The following SAMD12 variants were observed in gnomAD, a reference collection of about 807,000 sequenced individuals.
SAMD12 encodes sterile alpha motif domain containing 12.
Under a neutral mutation model 15.0 loss-of-function variants are expected in SAMD12, and 9 were observed. The ratio of observed to expected loss-of-function variants is 0.60; its 90% confidence interval spans 0.36 to 1.05. The LOEUF (loss-of-function observed/expected upper bound fraction) is 1.05, where lower values mean the gene tolerates loss of function less well. Ranked by LOEUF, SAMD12 falls within the 50% of genes least tolerant of loss-of-function variation. The pLI, the probability that SAMD12 is intolerant of heterozygous loss-of-function variation, is 0.01. For synonymous variants in SAMD12, 86 were observed against 90.1 expected, an observed-to-expected ratio of 0.96 and a Z score of 0.25; for missense variants, 230 against 234.2, an observed-to-expected ratio of 0.98 and a Z score of 0.12.
chr8:118,261,072 G>A (rs376176218), intron 4 of SAMD12, among the ~76,000 whole-genome samples: 1 of 152,080 alleles, frequency 6.6e-6, no homozygotes, highest in Non-Finnish European at 1.5e-5. Flanking sequence ...GCGTAAATGA[G>A]TGAATACAGA....
intron 4 of SAMD12, among the ~76,000 whole-genome samples, chr8:118,272,607 G>T (rs1286401303): frequency 6.6e-6 from 1 of 152,150 alleles, no homozygotes; most frequent in African/African-American, 2.4e-5. Flanking sequence ...TTTATGGTCT[G>T]CTTCCTCTTG....
chr8:118,217,085 C>T lies in SAMD12; in HGVS notation c.434-19353G>A, dbSNP rs568537320. Among the ~76,000 whole-genome samples the T allele has an allele frequency of 2.0e-5, 3 of 152,256 alleles. No homozygotes were observed. In the South Asian group the frequency reaches 6.2e-4, roughly 32 times the overall value. On this transcript the variant is annotated intron_variant, in intron 4 of 4. Transcript: ENST00000409003. ...GTGGTGCGATCTCGGCTCACTGCAA[C>T]TTCTGCCTCCTGGGTTCAAGCGATT...
At chr8:118,446,507 G>A (rs547467147) in intron 2 of SAMD12, among the ~76,000 whole-genome samples, 7 of 152,204 alleles carry the variant, frequency 4.6e-5, no homozygotes, top group Non-Finnish European at 7.4e-5. Context: ...AATTTAAAAT[G>A]ATTATTTTTT....
chr8:118,494,478 T>A (rs1824543548), intron 2 of SAMD12, among the ~76,000 whole-genome samples: 1 of 152,186 alleles, frequency 6.6e-6, no homozygotes, highest in Non-Finnish European at 1.5e-5. Flanking sequence ...CATTACATGC[T>A]GTTATATGTT....
chr8:118,534,630 C>A (rs1209458686), intron 2 of SAMD12, among the ~76,000 whole-genome samples: 1 of 152,144 alleles, frequency 6.6e-6, no homozygotes, highest in Non-Finnish European at 1.5e-5. Context: ...TTCTTGGAGG[C>A]TTTGTTCATT....
chr8:118,262,754 G>A (rs1207293457), intron 4 of SAMD12, among the ~76,000 whole-genome samples: 2 of 151,918 alleles, frequency 1.3e-5, no homozygotes, highest in African/African-American at 2.4e-5. Context: ...ATACTCAGGA[G>A]GAAAACTAAG....
chr8:118,424,703 A>T (rs1348048641), intron 3 of SAMD12, among the ~76,000 whole-genome samples: 3 of 152,180 alleles, frequency 2.0e-5, no homozygotes, highest in Non-Finnish European at 4.4e-5. Context: ...TTTTACTGAA[A>T]CAGTGCCACA....
intron 2 of SAMD12, among the ~76,000 whole-genome samples, chr8:118,577,434 A>G (rs972960963): frequency 6.6e-6 from 1 of 152,204 alleles, no homozygotes; most frequent in African/African-American, 2.4e-5. Flanking sequence ...CCCAATCCAC[A>G]TATATACACA....
chr8:118,532,183 T>C (rs894072306), intron 2 of SAMD12, among the ~76,000 whole-genome samples: 2 of 152,220 alleles, frequency 1.3e-5, no homozygotes, highest in African/African-American at 4.8e-5. Flanking sequence ...TTTCTGCATC[T>C]ATTGAAATAA....
intron 2 of SAMD12, among the ~76,000 whole-genome samples, chr8:118,463,854 G>A (rs1823508316): frequency 6.6e-6 from 1 of 152,032 alleles, no homozygotes; most frequent in South Asian, 2.1e-4. Flanking sequence ...CAATTACTGG[G>A]TTTGGCAGGA....
At chr8:118,526,455 G>C (rs1825540562) in intron 2 of SAMD12, among the ~76,000 whole-genome samples, 1 of 152,012 alleles carries the variant, frequency 6.6e-6, no homozygotes, top group Admixed American at 6.6e-5. Context: ...GTAGCTCTGG[G>C]ATGAAGCCCA....
chr8:118,491,850 T>G (rs922609796), intron 2 of SAMD12, among the ~76,000 whole-genome samples: 1 of 152,216 alleles, frequency 6.6e-6, no homozygotes, highest in African/African-American at 2.4e-5. Context: ...ATTCTCTTAT[T>G]GATAGATATG....
At chr8:118,446,146 C>A (rs1007718764) in intron 2 of SAMD12, among the ~76,000 whole-genome samples, 4 of 151,088 alleles carry the variant, frequency 2.6e-5, no homozygotes, top group African/African-American at 7.3e-5. Context: ...TTTAAGAGTG[C>A]GACAAAGTCC....
chr8:118,516,885 C>T lies in SAMD12; in HGVS notation c.192+63830G>A, dbSNP rs568720015. Among the ~76,000 whole-genome samples the T allele has an allele frequency of 4.0e-3, 602 of 152,232 alleles. 1 individual carries two copies. The highest frequency in any genetic ancestry group is 0.014 in the African/African-American group (586 of 41,524). On this transcript the variant is annotated intron_variant, in intron 2 of 3. Transcript: ENST00000314727. ...AACTCCTGAGCTTAGGCAATCCACC[C>T]GCCTCGGCCTCCCAAAGTGCTGGGA... is the stretch of plus-strand genomic sequence containing the variant.
rs1824858981 is a variant in SAMD12, at chr8:118,504,115, T to C, written c.193-64154A>G. Among the ~76,000 whole-genome samples the C allele has an allele frequency of 4.6e-5, 7 of 152,290 alleles. No individual in the cohort carries two copies. The South Asian group carries it at 1.5e-3, about 32-fold the overall frequency. ...TCTTCCCTCTTTTCCTGTCAGCATATTATGAAATTCATATTCACTATCACC... is the reference window on the plus strand; with the variant it reads ...TCTTCCCTCTTTTCCTGTCAGCATACTATGAAATTCATATTCACTATCACC... On this transcript the variant is annotated intron_variant, in intron 2 of 3. Transcript: ENST00000314727.
exon 5 of SAMD12, chr8:118,189,497 T>G (rs1819300886): frequency 1.3e-5 from 2 of 152,164 alleles, no homozygotes; most frequent in Admixed American, 1.3e-4. Context: ...TACATTGCCA[T>G]GCACATAAGG....
intron 4 of SAMD12, among the ~76,000 whole-genome samples, chr8:118,354,333 C>T (rs934173789): frequency 2.0e-5 from 3 of 152,214 alleles, no homozygotes; most frequent in African/African-American, 7.2e-5. Flanking sequence ...GAACCTTCTT[C>T]CTATTTTCAG....
intron 2 of SAMD12, among the ~76,000 whole-genome samples, chr8:118,498,156 G>C (rs1191997408): frequency 6.6e-6 from 1 of 152,118 alleles, no homozygotes; most frequent in Non-Finnish European, 1.5e-5. Context: ...TCTGATTCCA[G>C]CTGAGACAAA....
chr8:118,603,703 C>T (rs1232144576), intron 1 of SAMD12, among the ~76,000 whole-genome samples: 2 of 152,134 alleles, frequency 1.3e-5, no homozygotes, highest in Admixed American at 6.5e-5. Context: ...AGGCATCCCA[C>T]GGACGATGGT....
Sources: allele counts gnomAD v4.1 joint callset (sites outside exome capture counted in the v4.1 genomes callset), GRCh38; gene constraint gnomAD v4.1.1; transcripts MANE v1.5; gene names NCBI Gene and HGNC (gene_info 2026-07-23, HGNC 2026-07-21).